The following DLGAP2 variants were observed in gnomAD, a reference collection of about 807,000 sequenced individuals.
The protein encoded by DLGAP2 is DLG associated protein 2.
In DLGAP2, 26 loss-of-function variants were observed where a neutral mutation model predicts 100.3. That is an observed-to-expected ratio of 0.26 (90% CI 0.19 to 0.36). The LOEUF (loss-of-function observed/expected upper bound fraction) is 0.36, where lower values mean the gene tolerates loss of function less well. Among genes scored for constraint, DLGAP2 ranks in the 10% least tolerant of loss-of-function variants. The pLI is 1.00. For synonymous variants in DLGAP2, 886 were observed against 630.1 expected (o/e 1.41, Z -6.08); for missense variants, 1,858 against 1,453.2 (o/e 1.28, Z -4.53).
At chr8:960,343 C>G (rs1431821493) in intron 2 of DLGAP2, among the ~76,000 whole-genome samples, 2 of 149,278 alleles carry the variant, frequency 1.3e-5, no homozygotes, top group East Asian at 4.0e-4. Flanking sequence ...TCAATCGATT[C>G]TCGTGCCTCA....
At chr8:1,677,824 A>C (rs1798845074) in intron 11 of DLGAP2, among the ~76,000 whole-genome samples, 4 of 152,236 alleles carry the variant, frequency 2.6e-5, no homozygotes, top group African/African-American at 9.6e-5. Flanking sequence ...ACTACAACTC[A>C]GTATGATGTT....
chr8:1,625,485 G>T (rs533194147), intron 6 of DLGAP2, among the ~76,000 whole-genome samples: 1 of 152,194 alleles, frequency 6.6e-6, no homozygotes, highest in Admixed American at 6.5e-5. Context: ...GGAAGAAAAC[G>T]ACCGTTGTGC....
At chr8:1,595,720 G>A (rs1284206443) in intron 6 of DLGAP2, among the ~76,000 whole-genome samples, 5 of 150,066 alleles carry the variant, frequency 3.3e-5, no homozygotes, top group Non-Finnish European at 7.4e-5. Context: ...AGCCCCCAGC[G>A]AGCTCCCCAC....
chr8:1,486,780 A>G (rs1383392932), intron 3 of DLGAP2, among the ~76,000 whole-genome samples: 2 of 152,242 alleles, frequency 1.3e-5, no homozygotes, highest in Admixed American at 6.5e-5. Flanking sequence ...AGCTGGCAAC[A>G]TGAGAATCAT....
At chr8:1,190,231 C>G (rs984727229) in intron 2 of DLGAP2, among the ~76,000 whole-genome samples, 1 of 152,204 alleles carries the variant, frequency 6.6e-6, no homozygotes, top group Non-Finnish European at 1.5e-5. Flanking sequence ...GGTGGTCTCA[C>G]AGAGAGTCCT....
intron 1 of DLGAP2, among the ~76,000 whole-genome samples, chr8:799,471 T>G (rs931324710): frequency 3.9e-5 from 6 of 152,172 alleles, no homozygotes; most frequent in African/African-American, 1.4e-4. Context: ...AGGTTGGAAG[T>G]TGGCAAATTC....
intron 4 of DLGAP2, among the ~76,000 whole-genome samples, chr8:1,505,033 G>A (rs552699884): frequency 4.6e-5 from 7 of 152,306 alleles, no homozygotes; most frequent in East Asian, 1.9e-4. Flanking sequence ...AGGAAAGAGG[G>A]AGGGAAGGAT....
intron 1 of DLGAP2, among the ~76,000 whole-genome samples, chr8:802,921 C>T (rs544874518): frequency 5.3e-5 from 8 of 152,256 alleles, no homozygotes; most frequent in Admixed American, 5.2e-4. Context: ...TGATTTTACA[C>T]ATAGTCTAAA....
At chr8:1,104,455 G>A (rs190275765) in intron 2 of DLGAP2, among the ~76,000 whole-genome samples, 7 of 152,342 alleles carry the variant, frequency 4.6e-5, no homozygotes, top group East Asian at 1.9e-4. Context: ...GTCACGGCAC[G>A]TGTGGGCCAG....
intron 2 of DLGAP2, among the ~76,000 whole-genome samples, chr8:1,087,678 G>A (rs1169331470): frequency 1.3e-5 from 2 of 152,034 alleles, no homozygotes; most frequent in Admixed American, 6.6e-5. Context: ...GAGCTAAATG[G>A]TAGTCTTGAT....
In DLGAP2 at chr8:1,518,204, C is replaced by A. The variant is rs147407038; in HGVS notation, c.172+16773C>A. 3.3e-5 allele frequency among the ~76,000 whole-genome samples: 5 copies of A among 152,282 alleles called. No homozygotes were observed. In the East Asian group the frequency reaches 9.7e-4, roughly 29 times the overall value. ...TTAGCCTCCCAATTGGACACGGAAT[C>A]GAGTTTGCTAGCGTTCAGCCCTAAC... On this transcript the variant is annotated intron_variant, in intron 4 of 14. Transcript: ENST00000637795.
chr8:1,443,562 A>G (rs931323266), intron 3 of DLGAP2, among the ~76,000 whole-genome samples: 3 of 152,178 alleles, frequency 2.0e-5, no homozygotes, highest in African/African-American at 7.2e-5. Flanking sequence ...GGTAATTTAT[A>G]GAGGAAAGAG....
intron 2 of DLGAP2, among the ~76,000 whole-genome samples, chr8:944,808 G>A (rs1439716472): frequency 6.7e-6 from 1 of 149,420 alleles, no homozygotes; most frequent in East Asian, 2.0e-4. Flanking sequence ...GTCGATATGG[G>A]TGATCCAGTG....
At chr8:1,542,069 G>A (rs2130493454) in intron 4 of DLGAP2, among the ~76,000 whole-genome samples, 1 of 152,300 alleles carries the variant, frequency 6.6e-6, no homozygotes, top group Non-Finnish European at 1.5e-5. Context: ...TGGAGAAGGA[G>A]GAGATTTAGA....
rs565893326 is a variant in DLGAP2 at position 854,121 on chromosome 8, G to A, written c.19-53791G>A. ...CCAGAACCGTGGGAGATGAATTCCC[G>A]TTTCTTGTATGTCACCCGGTCTATG... On this transcript the variant is annotated intron_variant, in intron 1 of 14. Transcript: ENST00000637795. Among the ~76,000 whole-genome samples the A allele has an allele frequency of 2.6e-3, 396 of 152,254 alleles. 1 individual carries two copies. The highest frequency in any genetic ancestry group is 9.1e-3 in the African/African-American group (377 of 41,552).
intron 3 of DLGAP2, among the ~76,000 whole-genome samples, chr8:1,473,719 G>T (rs934536351): frequency 3.3e-5 from 5 of 152,136 alleles, no homozygotes; most frequent in Admixed American, 3.3e-4. Context: ...GGACCCAGTG[G>T]GAGATCACTG....
chr8:1,524,890 G>C (rs1485453308), intron 4 of DLGAP2, among the ~76,000 whole-genome samples: 1 of 151,914 alleles, frequency 6.6e-6, no homozygotes, highest in African/African-American at 2.4e-5. Context: ...GCTGTGTTCT[G>C]CTAACCCTCC....
intron 3 of DLGAP2, among the ~76,000 whole-genome samples, chr8:1,363,009 C>T (rs28559595): frequency 0.093 from 14,160 of 152,212 alleles, 979 homozygotes; most frequent in African/African-American, 0.19. Context: ...TCAGCCCCAC[C>T]GCCGGACACA....
At chr8:1,350,216 TGC>T (rs1801678228) in intron 3 of DLGAP2, among the ~76,000 whole-genome samples, 1 of 125,944 alleles carries the variant, frequency 7.9e-6, no homozygotes, top group Admixed American at 7.8e-5. Flanking sequence ...GGAAAGGCCG[TGC>T]GGGTCCTGAG....
Sources: gnomAD v4.1 joint callset for allele counts (sites outside exome capture counted in the v4.1 genomes callset) on GRCh38, gnomAD v4.1.1 for gene constraint, MANE v1.5 for transcripts, NCBI Gene and HGNC (gene_info 2026-07-23, HGNC 2026-07-21) for gene names.